The following DDAH1 variants were observed in gnomAD, a reference collection of about 807,000 sequenced individuals.
DDAH1 encodes the protein dimethylarginine dimethylaminohydrolase 1.
A neutral mutation model predicts 28.8 loss-of-function variants in DDAH1; 19 were observed. The observed-to-expected ratio is 0.66, with a 90% CI of 0.46 to 0.97. DDAH1 has a LOEUF of 0.97. Among genes scored for constraint, DDAH1 ranks in the 50% least tolerant of loss-of-function variants. The pLI, the probability that DDAH1 is intolerant of heterozygous loss-of-function variation, is 0.00. For missense variants in DDAH1, 326 were observed against 375.9 expected (o/e 0.87, Z 1.10); for synonymous variants, 153 against 154.4 (o/e 0.99, Z 0.07).
intron 4 of DDAH1, among the ~76,000 whole-genome samples, chr1:85,344,593 C>T (rs75647243): frequency 0.017 from 2,553 of 151,856 alleles, 65 homozygotes; most frequent in East Asian, 0.12. Flanking sequence ...CCCTTCCCTC[C>T]CTCCCTTCAT....
intron 2 of DDAH1, among the ~76,000 whole-genome samples, chr1:85,354,399 C>T (rs972427654): frequency 6.6e-6 from 1 of 152,070 alleles, no homozygotes; most frequent in African/African-American, 2.4e-5. Flanking sequence ...CTGATTCCCT[C>T]ATTATAAAGT....
chr1:85,555,696 C>T (rs1269221686), intron 1 of DDAH1, among the ~76,000 whole-genome samples: 1 of 152,124 alleles, frequency 6.6e-6, no homozygotes, highest in Admixed American at 6.5e-5. Flanking sequence ...CAGTGCTTGG[C>T]TCTGCAAACA....
At chr1:85,365,828 T>C (rs1413344819) in intron 1 of DDAH1, among the ~76,000 whole-genome samples, 2 of 152,178 alleles carry the variant, frequency 1.3e-5, no homozygotes, top group Non-Finnish European at 2.9e-5. Context: ...ATATCTGTGA[T>C]TGGTTACTTT....
chr1:85,471,491 T>G (rs1655620509), intron 2 of DDAH1, among the ~76,000 whole-genome samples: 1 of 152,238 alleles, frequency 6.6e-6, no homozygotes, highest in African/African-American at 2.4e-5. Context: ...ACACATTGCC[T>G]TGAATTGATG....
intron 1 of DDAH1, among the ~76,000 whole-genome samples, chr1:85,437,869 C>T (rs1406403335): frequency 1.3e-5 from 2 of 152,140 alleles, no homozygotes; most frequent in Non-Finnish European, 2.9e-5. Flanking sequence ...TTTCTCACAA[C>T]AAATCTAACA....
chr1:85,463,892 T>G (rs1655236086), intron 1 of DDAH1, among the ~76,000 whole-genome samples: 1 of 152,200 alleles, frequency 6.6e-6, no homozygotes, highest in South Asian at 2.1e-4. Flanking sequence ...CTCACTCTAT[T>G]TGTCTCTCCC....
intron 1 of DDAH1, among the ~76,000 whole-genome samples, chr1:85,563,808 A>G (rs374221755): frequency 1.4e-4 from 22 of 152,364 alleles, no homozygotes; most frequent in African/African-American, 5.1e-4. Flanking sequence ...AGGTCAAGGA[A>G]AGATTAAGCA....
chr1:85,325,829 ATAT>A (rs939704214), intron 4 of DDAH1, among the ~76,000 whole-genome samples: 1 of 152,146 alleles, frequency 6.6e-6, no homozygotes, highest in African/African-American at 2.4e-5. Flanking sequence ...ACAAAAACAA[ATAT>A]TATTTGGGGT....
intron 2 of DDAH1, chr1:85,482,390 G>C (rs1480714251): frequency 6.6e-6 from 1 of 152,090 alleles, no homozygotes; most frequent in Non-Finnish European, 1.5e-5. Context: ...GTCAAAAAAC[G>C]TCTTTCAACA....
chr1:85,431,703 G>A (rs12743049), intron 1 of DDAH1, among the ~76,000 whole-genome samples: 23,818 of 152,040 alleles, frequency 0.16, 2,262 homozygotes, highest in Admixed American at 0.22. Flanking sequence ...GGAGGCTCTT[G>A]ATCTGTTACT....
chr1:85,467,518 CT>C (rs1655428998), upstream of DDAH1: 1 of 152,150 alleles, frequency 6.6e-6, no homozygotes, highest in African/African-American at 2.4e-5. Flanking sequence ...AGTTTTGATT[CT>C]GTTATCTCGT....
chr1:85,504,951 C>T (rs1158887729), intron 1 of DDAH1, among the ~76,000 whole-genome samples: 2 of 130,850 alleles, frequency 1.5e-5, no homozygotes, highest in Non-Finnish European at 3.2e-5. Context: ...AACAATGGCC[C>T]TCAATGATTC....
At chr1:85,447,410 G>C (rs1267886873) in intron 1 of DDAH1, among the ~76,000 whole-genome samples, 4 of 152,176 alleles carry the variant, frequency 2.6e-5, no homozygotes, top group African/African-American at 7.2e-5. Context: ...GTAAACTCGA[G>C]TGGGCCACAA....
intron 1 of DDAH1, among the ~76,000 whole-genome samples, chr1:85,404,127 A>G (rs967444437): frequency 6.6e-6 from 1 of 152,344 alleles, no homozygotes; most frequent in African/African-American, 2.4e-5. Flanking sequence ...AAGAAAAAAA[A>G]GGCTTATGGA....
intron 1 of DDAH1, among the ~76,000 whole-genome samples, chr1:85,382,735 G>A (rs1651056181): frequency 6.6e-6 from 1 of 152,162 alleles, no homozygotes; most frequent in Non-Finnish European, 1.5e-5. Context: ...TAATGGAGCT[G>A]GTTACCTTAA....
chr1:85,346,343 C>A (rs1167515893), intron 4 of DDAH1, among the ~76,000 whole-genome samples: 1 of 152,144 alleles, frequency 6.6e-6, no homozygotes, highest in Non-Finnish European at 1.5e-5. Flanking sequence ...ATATCTGGTA[C>A]CAAACTCACA....
chr1:85,490,004 T>G (rs1404627104), intron 2 of DDAH1, among the ~76,000 whole-genome samples: 1 of 152,318 alleles, frequency 6.6e-6, no homozygotes, highest in East Asian at 1.9e-4. Context: ...TATGATCTCA[T>G]TTGATACTGT....
chr1:85,393,406 A>G lies in DDAH1; in HGVS notation c.304-34559T>C, dbSNP rs908358174. Reference sequence around the variant, plus strand: ...GCAAAGAAAATGCCTTCTTTGTCCTATTCATTAGAGGGCTCTACCCTGAAG... The same window carrying G: ...GCAAAGAAAATGCCTTCTTTGTCCTGTTCATTAGAGGGCTCTACCCTGAAG... On this transcript the variant is annotated intron_variant, in intron 1 of 5. Coordinates refer to ENST00000284031, the MANE Select transcript of DDAH1 (RefSeq NM_012137.4). 2.0e-5 allele frequency among the ~76,000 whole-genome samples: 3 copies of G among 152,240 alleles called. No individual in the cohort carries two copies. The East Asian group carries it at 5.8e-4, about 29-fold the overall frequency.
chr1:85,349,424 G>C (rs1649065537), intron 4 of DDAH1, among the ~76,000 whole-genome samples: 1 of 152,058 alleles, frequency 6.6e-6, no homozygotes. Context: ...ACCTGAAAGA[G>C]CCTCAGGGCC....
Sources: allele counts gnomAD v4.1 joint callset (sites outside exome capture counted in the v4.1 genomes callset), GRCh38; gene constraint gnomAD v4.1.1; transcripts MANE v1.5; gene names NCBI Gene and HGNC (gene_info 2026-07-23, HGNC 2026-07-21).